AGBL4: variants seen among roughly 807,000 people sequenced by gnomAD.
AGBL4 encodes the protein cytosolic carboxypeptidase 6.
AGBL4 carries 58 observed loss-of-function variants against 66.4 expected under a neutral mutation model. The ratio of observed to expected loss-of-function variants is 0.87; its 90% CI spans 0.71 to 1.09. The LOEUF is 1.09. AGBL4 is among the 50% of genes least tolerant of loss of function. The pLI, the probability that AGBL4 is intolerant of heterozygous loss-of-function variation, is 0.00. For missense variants in AGBL4, 579 were observed against 631.0 expected (o/e 0.92, Z 0.88); for synonymous variants, 234 against 222.9 (o/e 1.05, Z -0.44).
At chr1:48,905,276 T>C (rs1219721769) in intron 5 of AGBL4, among the ~76,000 whole-genome samples, 2 of 152,204 alleles carry the variant, frequency 1.3e-5, no homozygotes, top group East Asian at 1.9e-4. Flanking sequence ...AGAAGTTTAT[T>C]TGTATGCTTG....
At chr1:49,904,390 T>C (rs1650064298) in intron 1 of AGBL4, among the ~76,000 whole-genome samples, 1 of 152,176 alleles carries the variant, frequency 6.6e-6, no homozygotes, top group African/African-American at 2.4e-5. Flanking sequence ...CCAGTGTTGG[T>C]GCAACATGAT....
intron 8 of AGBL4, among the ~76,000 whole-genome samples, chr1:48,650,489 C>T (rs1302548114): frequency 1.3e-5 from 2 of 151,492 alleles, no homozygotes; most frequent in Non-Finnish European, 1.5e-5. Context: ...TTCTTTACTT[C>T]CTTCCTCCCT....
Position 49,561,735 on chromosome 1 carries a change from C to G in AGBL4, c.282+135578G>C, listed in dbSNP as rs190112136. Reference sequence around the variant, plus strand: ...TTGGATATTTGGGTTGGTTCCAAGTCTTTGCTATTGTGAATAGCGCCACAA... The same window carrying G: ...TTGGATATTTGGGTTGGTTCCAAGTGTTTGCTATTGTGAATAGCGCCACAA... On this transcript the variant is annotated intron_variant, in intron 3 of 13. Transcript: ENST00000371839. 1.5e-3 allele frequency among the ~76,000 whole-genome samples: 231 copies of G among 152,218 alleles called. 1 individual carries two copies. Among genetic ancestry groups the G allele is most frequent in the African/African-American group, 4.7e-3 (196 of 41,530 alleles).
chr1:48,668,982 C>T (rs1231445498), intron 6 of AGBL4, among the ~76,000 whole-genome samples: 1 of 152,166 alleles, frequency 6.6e-6, no homozygotes, highest in Admixed American at 6.5e-5. Context: ...TTAGCTCTGC[C>T]TCAGTGTTTG....
chr1:49,936,737 A>G (rs1654088915), intron 1 of AGBL4, among the ~76,000 whole-genome samples: 1 of 152,104 alleles, frequency 6.6e-6, no homozygotes, highest in Admixed American at 6.6e-5. Context: ...CAGCCAAACT[A>G]AGCTTCATAA....
intron 5 of AGBL4, among the ~76,000 whole-genome samples, chr1:48,897,426 G>A (rs1592322): frequency 0.49 from 74,745 of 152,142 alleles, 21,824 homozygotes; most frequent in Non-Finnish European, 0.67. Flanking sequence ...TGTGAACAAT[G>A]CTGCAATAAA....
intron 6 of AGBL4, among the ~76,000 whole-genome samples, chr1:48,678,507 T>G (rs1448811271): frequency 6.6e-6 from 1 of 152,124 alleles, no homozygotes; most frequent in Non-Finnish European, 1.5e-5. Context: ...CAGCCCACAG[T>G]GGACTGAGCT....
intron 6 of AGBL4, among the ~76,000 whole-genome samples, chr1:48,857,012 A>T (rs1191982994): frequency 6.6e-6 from 1 of 152,176 alleles, no homozygotes; most frequent in Non-Finnish European, 1.5e-5. Flanking sequence ...TACGATTTAG[A>T]TTTGAATCCT....
At chr1:48,712,315 G>A (rs1402276684) in intron 6 of AGBL4, among the ~76,000 whole-genome samples, 1 of 152,196 alleles carries the variant, frequency 6.6e-6, no homozygotes, top group African/African-American at 2.4e-5. Flanking sequence ...CACGCTGGGA[G>A]GAGGGAGACA....
chr1:48,749,778 TTC>T (rs1487215995), intron 6 of AGBL4, among the ~76,000 whole-genome samples: 2 of 152,212 alleles, frequency 1.3e-5, no homozygotes, highest in African/African-American at 2.4e-5. Flanking sequence ...GTTCTTCTAC[TTC>T]TCTCCTGCCC....
chr1:48,644,815 G>A (rs575701446), intron 8 of AGBL4, among the ~76,000 whole-genome samples: 14 of 152,260 alleles, frequency 9.2e-5, no homozygotes, highest in Admixed American at 7.2e-4. Flanking sequence ...ATGGGGAGCC[G>A]CCGAAGGATT....
At chr1:48,706,435 A>G (rs907124666) in intron 6 of AGBL4, among the ~76,000 whole-genome samples, 11 of 152,214 alleles carry the variant, frequency 7.2e-5, no homozygotes, top group African/African-American at 2.7e-4. Context: ...TGTTTCAACA[A>G]CAGGAATAGC....
intron 3 of AGBL4, among the ~76,000 whole-genome samples, chr1:49,564,748 A>G (rs1644148441): frequency 6.6e-6 from 1 of 152,194 alleles, no homozygotes; most frequent in Non-Finnish European, 1.5e-5. Flanking sequence ...ATTTTGGAAT[A>G]GGTGTGATGT....
At chr1:49,394,131 A>C (rs1206400354) in intron 3 of AGBL4, among the ~76,000 whole-genome samples, 1 of 151,948 alleles carries the variant, frequency 6.6e-6, no homozygotes, top group African/African-American at 2.4e-5. Context: ...ATTAAAAAAA[A>C]AAATTCTCTG....
chr1:49,717,032 C>A, intron 2 of AGBL4, among the ~76,000 whole-genome samples: 1 of 152,046 alleles, frequency 6.6e-6, no homozygotes, highest in Non-Finnish European at 1.5e-5. Context: ...AAAACCCCAT[C>A]GTCTCAGCCC....
intron 5 of AGBL4, among the ~76,000 whole-genome samples, chr1:48,894,629 A>G (rs1208869150): frequency 1.3e-5 from 2 of 152,222 alleles, no homozygotes; most frequent in East Asian, 3.8e-4. Flanking sequence ...ATAGTAAAAA[A>G]AAAAGGTTGA....
chr1:49,207,519 C>CT (rs1442729853), intron 4 of AGBL4, among the ~76,000 whole-genome samples: 18 of 130,772 alleles, frequency 1.4e-4, no homozygotes, highest in East Asian at 4.6e-4. Context: ...TTCTTTCTTT[C>CT]TTTCTCTCTT....
chr1:48,537,398 G>A (rs1197367099), intron 12 of AGBL4, among the ~76,000 whole-genome samples: 1 of 152,160 alleles, frequency 6.6e-6, no homozygotes, highest in East Asian at 1.9e-4. Flanking sequence ...AGGCAAGGAA[G>A]TGCCATGAAC....
chr1:49,367,702 G>A (rs749479025), intron 3 of AGBL4, among the ~76,000 whole-genome samples: 2 of 152,134 alleles, frequency 1.3e-5, no homozygotes, highest in African/African-American at 4.8e-5. Flanking sequence ...GGGTTCTTAC[G>A]ACGGAGGAAG....
Sources: allele counts gnomAD v4.1 joint callset (sites outside exome capture counted in the v4.1 genomes callset), GRCh38; gene constraint gnomAD v4.1.1; transcripts MANE v1.5; gene names NCBI Gene and HGNC (gene_info 2026-07-23, HGNC 2026-07-21).